MAML2: variants seen among roughly 807,000 people sequenced by gnomAD.
MAML2 encodes mastermind-like protein 2.
Under a neutral mutation model 96.1 loss-of-function variants are expected in MAML2, and 22 were observed. That is an observed-to-expected ratio of 0.23 (90% CI 0.16 to 0.33). MAML2 has a LOEUF of 0.33. MAML2 is among the 10% of genes least tolerant of loss of function. The pLI is 1.00. For synonymous variants in MAML2, 561 were observed against 521.3 expected, an observed-to-expected ratio of 1.08 and a Z score of -1.04; for missense variants, 1,367 against 1,392.4, an observed-to-expected ratio of 0.98 and a Z score of 0.29.
intron 1 of MAML2, among the ~76,000 whole-genome samples, chr11:96,185,589 G>A (rs1184081800): frequency 6.6e-6 from 1 of 152,192 alleles, no homozygotes; most frequent in Admixed American, 6.5e-5. Flanking sequence ...ATGAACATGT[G>A]GGCCGCAGAC....
chr11:96,202,322 G>T lies in MAML2; in HGVS notation c.514-108805C>A, dbSNP rs544111392. On this transcript the variant is annotated intron_variant, in intron 1 of 4. Transcript: ENST00000524717. ...GCCGAGATCTCACCACTGCACTCCA[G>T]CCTGGGTGACAGAGCAAGACTCCAT... 6.2e-5 allele frequency among the ~76,000 whole-genome samples: 9 copies of T among 144,294 alleles called. 1 individual carries two copies. The Admixed American group carries it at 6.4e-4, about 10-fold the overall frequency. The allele number at this position is 144,294 out of a possible 152,430, so 94.7% of individuals were successfully genotyped here. A position where few individuals can be genotyped will look rare whatever the true frequency, so the allele number is the denominator to read the frequency against.
chr11:96,296,429 G>A lies in MAML2; in HGVS notation c.513+44954C>T, dbSNP rs554204904. 2.6e-5 allele frequency among the ~76,000 whole-genome samples: 4 copies of A among 152,298 alleles called. No homozygotes were observed. The East Asian group carries it at 7.7e-4, about 29-fold the overall frequency. On this transcript the variant is annotated intron_variant, in intron 1 of 4. Coordinates refer to ENST00000524717, the MANE Select transcript of MAML2 (RefSeq NM_032427.4). ...GGAGGCAGAGGCGAGCGGATCCGAG[G>A]CTAGGAGTTCGAGACCAGCCTGACC... is the stretch of plus-strand genomic sequence containing the variant.
At chr11:96,311,205 T>C (rs1057143025) in intron 1 of MAML2, among the ~76,000 whole-genome samples, 3 of 152,236 alleles carry the variant, frequency 2.0e-5, no homozygotes, top group Non-Finnish European at 2.9e-5. Context: ...TATGTTTACA[T>C]TGGCTAGGAG....
At chr11:96,246,098 C>T (rs1862509607) in intron 1 of MAML2, among the ~76,000 whole-genome samples, 1 of 151,994 alleles carries the variant, frequency 6.6e-6, no homozygotes, top group Non-Finnish European at 1.5e-5. Flanking sequence ...CAACATGAAA[C>T]ATGGTCCCTA....
At chr11:96,236,249 G>T (rs1278081770) in intron 1 of MAML2, among the ~76,000 whole-genome samples, 1 of 152,166 alleles carries the variant, frequency 6.6e-6, no homozygotes, top group Non-Finnish European at 1.5e-5. Flanking sequence ...AGCAAGAATT[G>T]TCTCCTCTCT....
intron 2 of MAML2, among the ~76,000 whole-genome samples, chr11:96,053,072 C>T (rs961340164): frequency 3.9e-5 from 6 of 152,228 alleles, no homozygotes; most frequent in African/African-American, 9.6e-5. Context: ...AGGTACTGTA[C>T]TAAGTTTGGG....
intron 2 of MAML2, among the ~76,000 whole-genome samples, chr11:96,002,685 TGGTGG>T (rs1858102543): frequency 1.4e-5 from 1 of 69,292 alleles, no homozygotes; most frequent in African/African-American, 6.1e-5. Context: ...ATGATGGGGA[TGGTGG>T]GGAGCATGAT....
chr11:96,139,468 C>G (rs1321342133), intron 1 of MAML2, among the ~76,000 whole-genome samples: 1 of 148,524 alleles, frequency 6.7e-6, no homozygotes, highest in Non-Finnish European at 1.5e-5. Context: ...CAGAGCGAGA[C>G]TCTGTCTTAA....
rs1466863576 is a variant in MAML2 at position 96,289,621 on chromosome 11, T to C, written c.513+51762A>G. ...TTAAACATCTTGCTCTGGGTATTTA[T>C]TTAAATTAATAAAAATTCATAAACC... On this transcript the variant is annotated intron_variant, in intron 1 of 4. Transcript: ENST00000524717. 2.0e-5 allele frequency among the ~76,000 whole-genome samples: 3 copies of C among 152,228 alleles called. No individual in the cohort carries two copies. The East Asian group carries it at 5.8e-4, about 29-fold the overall frequency.
At chr11:96,305,387 T>C (rs1157348203) in intron 1 of MAML2, among the ~76,000 whole-genome samples, 1 of 152,146 alleles carries the variant, frequency 6.6e-6, no homozygotes, top group Non-Finnish European at 1.5e-5. Flanking sequence ...GGTCCACTAA[T>C]TGCAACAAAC....
At chr11:96,252,518 C>T (rs932547980) in intron 1 of MAML2, among the ~76,000 whole-genome samples, 15 of 151,134 alleles carry the variant, frequency 9.9e-5, no homozygotes, top group South Asian at 2.1e-4. Context: ...TTCTGCCTCC[C>T]GGGTTCAAAC....
intron 1 of MAML2, among the ~76,000 whole-genome samples, chr11:96,323,399 T>C (rs964363512): frequency 4.0e-5 from 6 of 151,758 alleles, no homozygotes; most frequent in Non-Finnish European, 8.8e-5. Flanking sequence ...AGAATTTCCA[T>C]GTAAGAGGTG....
At chr11:96,185,387 C>G (rs1353182731) in intron 1 of MAML2, among the ~76,000 whole-genome samples, 1 of 152,142 alleles carries the variant, frequency 6.6e-6, no homozygotes, top group Non-Finnish European at 1.5e-5. Context: ...TAGCCTGTTT[C>G]CAATATGTTT....
intron 1 of MAML2, among the ~76,000 whole-genome samples, chr11:96,219,782 T>G (rs924170346): frequency 1.3e-5 from 2 of 152,118 alleles, no homozygotes; most frequent in African/African-American, 4.8e-5. Context: ...CCTGCCACGA[T>G]ACCCAGCTAA....
At chr11:96,170,962 C>T (rs7104507) in intron 1 of MAML2, among the ~76,000 whole-genome samples, 4,293 of 151,920 alleles carry the variant, frequency 0.028, 202 homozygotes, top group African/African-American at 0.099. Flanking sequence ...ATGATCCGCC[C>T]GCCTCGGCCT....
intron 2 of MAML2, among the ~76,000 whole-genome samples, chr11:96,040,730 G>C (rs1858794688): frequency 6.6e-6 from 1 of 152,172 alleles, no homozygotes. Context: ...TCGTGCCACT[G>C]CACTCCCTTC....
intron 4 of MAML2, among the ~76,000 whole-genome samples, chr11:95,982,083 T>C (rs959054406): frequency 9.2e-5 from 14 of 152,184 alleles, no homozygotes; most frequent in Non-Finnish European, 2.9e-5. Flanking sequence ...TGTACCAAGA[T>C]TAAAATAAAA....
intron 1 of MAML2, among the ~76,000 whole-genome samples, chr11:96,177,500 A>C (rs1289683031): frequency 6.6e-6 from 1 of 152,248 alleles, no homozygotes; most frequent in East Asian, 1.9e-4. Flanking sequence ...GTGACAGGCC[A>C]CTGCCAAAGT....
intron 2 of MAML2, among the ~76,000 whole-genome samples, chr11:96,002,519 T>C (rs111937798): frequency 1.2e-4 from 18 of 150,188 alleles, no homozygotes; most frequent in African/African-American, 4.5e-4. Context: ...ACAATGACGA[T>C]GATGATGGGG....
Sources: gnomAD v4.1 joint callset for allele counts (sites outside exome capture counted in the v4.1 genomes callset) on GRCh38, gnomAD v4.1.1 for gene constraint, MANE v1.5 for transcripts, NCBI Gene and HGNC (gene_info 2026-07-23, HGNC 2026-07-21) for gene names.